The following CNTN5 variants were observed in gnomAD, a reference collection of about 807,000 sequenced individuals.
The protein encoded by CNTN5 is contactin-5.
Under a neutral mutation model 129.1 loss-of-function variants are expected in CNTN5, and 77 were observed. That is an observed-to-expected ratio of 0.60 (90% CI 0.50 to 0.72). CNTN5 has a LOEUF of 0.72. CNTN5 is among the 30% of genes least tolerant of loss of function. The probability of loss-of-function intolerance (pLI) is 0.00; values close to 1 mark genes in which losing one functional copy is unlikely to be tolerated. For missense variants in CNTN5, 1,478 were observed against 1,328.8 expected (o/e 1.11, Z -1.75); for synonymous variants, 509 against 465.6 (o/e 1.09, Z -1.20).
chr11:99,652,055 T>A (rs929795813), intron 3 of CNTN5, among the ~76,000 whole-genome samples: 2 of 152,038 alleles, frequency 1.3e-5, no homozygotes, highest in African/African-American at 2.4e-5. Context: ...GGATTAAGGA[T>A]CTCCTCTGTT....
At chr11:99,101,182 T>G (rs1322884201) in intron 1 of CNTN5, among the ~76,000 whole-genome samples, 2 of 152,144 alleles carry the variant, frequency 1.3e-5, no homozygotes. Flanking sequence ...TTCACTACCA[T>G]GAGAACAGTA....
At chr11:99,256,462 G>A (rs939371996) in intron 1 of CNTN5, among the ~76,000 whole-genome samples, 1 of 151,888 alleles carries the variant, frequency 6.6e-6, no homozygotes, top group African/African-American at 2.4e-5. Flanking sequence ...TATATGTTTT[G>A]TTTGACCACA....
At chr11:99,920,220 C>T (rs1201111013) in intron 7 of CNTN5, among the ~76,000 whole-genome samples, 1 of 152,082 alleles carries the variant, frequency 6.6e-6, no homozygotes, top group Admixed American at 6.6e-5. Context: ...AGATTCCTCA[C>T]TCTTGATATT....
intron 3 of CNTN5, among the ~76,000 whole-genome samples, chr11:99,686,076 T>C (rs537024420): frequency 6.6e-6 from 1 of 152,002 alleles, no homozygotes; most frequent in Non-Finnish European, 1.5e-5. Context: ...TGGAACACTT[T>C]TCCATTCATT....
In CNTN5 at chr11:99,132,776, C is replaced by T. The variant is rs1037825695; in HGVS notation, c.-210+111506C>T. Among the ~76,000 whole-genome samples, 3 of 152,122 alleles carry T rather than the reference C, an allele frequency of 2.0e-5. 1 individual carries two copies. Among genetic ancestry groups the T allele is most frequent in the African/African-American group, 4.8e-5 (2 of 41,418 alleles). ...GAGAGGACACAAGTAGATGGAGAAA[C>T]ATTACATACTCATTCATAGGAAGAA... On this transcript the variant is annotated intron_variant, in intron 1 of 24. Coordinates refer to ENST00000524871, the MANE Select transcript of CNTN5 (RefSeq NM_014361.4).
chr11:99,601,661 C>A (rs916593145), intron 3 of CNTN5, among the ~76,000 whole-genome samples: 16 of 152,152 alleles, frequency 1.1e-4, no homozygotes, highest in African/African-American at 3.9e-4. Context: ...ACACCACACC[C>A]TAAAATTTTT....
intron 13 of CNTN5, among the ~76,000 whole-genome samples, chr11:100,125,437 T>A (rs1446845018): frequency 6.6e-6 from 1 of 152,056 alleles, no homozygotes; most frequent in African/African-American, 2.4e-5. Flanking sequence ...TCCTGGTACT[T>A]CGTTAATTCA....
intron 9 of CNTN5, among the ~76,000 whole-genome samples, chr11:100,011,578 C>T (rs1940535264): frequency 6.6e-6 from 1 of 152,152 alleles, no homozygotes; most frequent in East Asian, 1.9e-4. Context: ...GCAAACTCAT[C>T]TGAAATCTTG....
At chr11:100,017,298 CCATTA>C in intron 9 of CNTN5, among the ~76,000 whole-genome samples, 1 of 152,124 alleles carries the variant, frequency 6.6e-6, no homozygotes, top group Admixed American at 6.6e-5. Flanking sequence ...TCATGTCATT[CCATTA>C]CATTTAGCCA....
At chr11:100,020,948 C>T (rs1038182948) in intron 9 of CNTN5, among the ~76,000 whole-genome samples, 2 of 152,050 alleles carry the variant, frequency 1.3e-5, no homozygotes, top group African/African-American at 4.8e-5. Flanking sequence ...AAGATACCCT[C>T]TGTTCATGGA....
intron 2 of CNTN5, among the ~76,000 whole-genome samples, chr11:99,510,144 T>G (rs533234262): frequency 6.6e-6 from 1 of 152,084 alleles, no homozygotes. Context: ...TATTGTATAA[T>G]AATATAGTCA....
chr11:99,255,431 A>C (rs1363011118), intron 1 of CNTN5, among the ~76,000 whole-genome samples: 3 of 151,630 alleles, frequency 2.0e-5, no homozygotes, highest in Non-Finnish European at 4.4e-5. Flanking sequence ...GAAAGCTTTT[A>C]CCAACGTAAA....
At chr11:99,849,655 A>T (rs1319486544) in intron 6 of CNTN5, among the ~76,000 whole-genome samples, 2 of 152,140 alleles carry the variant, frequency 1.3e-5, no homozygotes, top group African/African-American at 4.8e-5. Context: ...AATATTTTTT[A>T]AAAATAGGTT....
At chr11:99,210,968 T>C (rs1193431505) in intron 1 of CNTN5, among the ~76,000 whole-genome samples, 1 of 152,132 alleles carries the variant, frequency 6.6e-6, no homozygotes, top group African/African-American at 2.4e-5. Context: ...ATATTAATTT[T>C]CAAAGCTCTA....
At chr11:99,050,316 TTA>T (rs1864375502) in intron 1 of CNTN5, among the ~76,000 whole-genome samples, 1 of 152,042 alleles carries the variant, frequency 6.6e-6, no homozygotes, top group Admixed American at 6.6e-5. Context: ...GTGGATTTGT[TTA>T]TGTTTTAGGG....
intron 1 of CNTN5, among the ~76,000 whole-genome samples, chr11:99,274,864 G>A (rs1863352108): frequency 6.6e-6 from 1 of 151,454 alleles, no homozygotes; most frequent in South Asian, 2.1e-4. Context: ...TGCTGCCAGT[G>A]CTCAGTAAAT....
intron 1 of CNTN5, among the ~76,000 whole-genome samples, chr11:99,231,507 T>C (rs568505504): frequency 3.0e-4 from 46 of 152,310 alleles, no homozygotes; most frequent in African/African-American, 1.1e-3. Flanking sequence ...TTTGTTTTTT[T>C]CTTGTAAATT....
intron 3 of CNTN5, among the ~76,000 whole-genome samples, chr11:99,747,265 G>T (rs148525966): frequency 6.6e-5 from 10 of 152,110 alleles, no homozygotes; most frequent in Non-Finnish European, 1.3e-4. Flanking sequence ...TGTTGATTTT[G>T]TATCCTGCAA....
intron 13 of CNTN5, among the ~76,000 whole-genome samples, chr11:100,099,248 T>A (rs564998333): frequency 6.6e-6 from 1 of 152,190 alleles, no homozygotes; most frequent in Admixed American, 6.6e-5. Context: ...AATAACCAAC[T>A]GTCCTAGTTT....
Sources: allele counts gnomAD v4.1 joint callset (sites outside exome capture counted in the v4.1 genomes callset), GRCh38; gene constraint gnomAD v4.1.1; transcripts MANE v1.5; gene names NCBI Gene and HGNC (gene_info 2026-07-23, HGNC 2026-07-21).